SLC4A4: variants seen among roughly 807,000 people sequenced by gnomAD.
The protein encoded by SLC4A4 is electrogenic sodium bicarbonate cotransporter 1.
In SLC4A4, 27 loss-of-function variants were observed where a neutral mutation model predicts 111.5. That is an observed-to-expected ratio of 0.24 (90% CI 0.18 to 0.33). SLC4A4 has a LOEUF of 0.33. Ranked by LOEUF, SLC4A4 falls within the 10% of genes least tolerant of loss-of-function variation. The pLI, the probability that SLC4A4 is intolerant of heterozygous loss-of-function variation, is 1.00. For missense variants in SLC4A4, 909 were observed against 1,315.5 expected, an observed-to-expected ratio of 0.69 and a Z score of 4.78; for synonymous variants, 443 against 463.4, an observed-to-expected ratio of 0.96 and a Z score of 0.57.
intron 2 of SLC4A4, among the ~76,000 whole-genome samples, chr4:71,120,285 C>T (rs534059246): frequency 3.9e-5 from 6 of 152,286 alleles, no homozygotes; most frequent in South Asian, 2.1e-4. Flanking sequence ...TCTGGGATTA[C>T]GGCTTAACCA....
chr4:71,123,309 A>G (rs1325840645), intron 2 of SLC4A4, among the ~76,000 whole-genome samples: 1 of 152,210 alleles, frequency 6.6e-6, no homozygotes, highest in African/African-American at 2.4e-5. Context: ...TAACCATTAC[A>G]TTGTAATATG....
intron 7 of SLC4A4, among the ~76,000 whole-genome samples, chr4:71,404,393 A>G (rs1419612236): frequency 1.3e-5 from 2 of 152,242 alleles, no homozygotes; most frequent in African/African-American, 2.4e-5. Flanking sequence ...ACCTGTTCCT[A>G]TGAAAGAATT....
At position 71,472,766 on chromosome 4, in the gene SLC4A4, A is replaced by G. The variant is rs761573966; in HGVS notation, c.1699A>G (p.Ile567Val). ...IGLWSAFLCLILVATDASFLV... is the reference protein window; with the variant it reads ...IGLWSAFLCLVLVATDASFLV... ...CCTGTGGTCCGCCTTCCTATGTCTC[A>G]TTTTGGTAGCCACTGATGCCAGCTT... is the stretch of plus-strand genomic sequence containing the variant. Residue 567 changes from isoleucine to valine, a missense_variant, in exon 14 of 26, where the codon ATT becomes GTT. Around this residue, in one of 7 missense-constraint regions of SLC4A4, gnomAD observed 264 missense variants for 356.8 expected, o/e 0.74. Transcript: ENST00000264485. 4.4e-5 allele frequency: 71 copies of G among 1,612,574 alleles called. 1 individual carries two copies. The highest frequency in any genetic ancestry group is 3.7e-4 in the Admixed American group (22 of 59,858).
At chr4:71,182,261 A>G (rs1469475921), upstream of SLC4A4, among the ~76,000 whole-genome samples, 1 of 152,200 alleles carries the variant, frequency 6.6e-6, no homozygotes, top group East Asian at 1.9e-4. Flanking sequence ...AATGCCATGA[A>G]GGCACATTTG....
At chr4:71,472,336 T>A (rs1727953968) in intron 13 of SLC4A4, among the ~76,000 whole-genome samples, 1 of 151,960 alleles carries the variant, frequency 6.6e-6, no homozygotes, top group Non-Finnish European at 1.5e-5. Context: ...CCCATAAAAC[T>A]CATACAAACG....
intron 3 of SLC4A4, among the ~76,000 whole-genome samples, chr4:71,333,590 A>G (rs1191347393): frequency 2.0e-5 from 3 of 152,224 alleles, no homozygotes; most frequent in African/African-American, 7.2e-5. Flanking sequence ...CATGTGGTGA[A>G]TCCAGCCAGG....
intron 18 of SLC4A4, among the ~76,000 whole-genome samples, chr4:71,538,626 G>A (rs72651805): frequency 0.17 from 25,794 of 152,042 alleles, 2,389 homozygotes; most frequent in East Asian, 0.4. Flanking sequence ...AAAAGAGAAA[G>A]CTGAAACTGA....
chr4:71,341,258 T>C (rs193291273), intron 4 of SLC4A4, among the ~76,000 whole-genome samples: 158 of 152,234 alleles, frequency 1.0e-3, no homozygotes, highest in African/African-American at 3.7e-3. Context: ...TATTAAAAGG[T>C]TTGAAGTAAG....
intron 18 of SLC4A4, among the ~76,000 whole-genome samples, chr4:71,537,324 T>TATATGTGTATATGTAC (rs1734602014): frequency 7.3e-6 from 1 of 136,244 alleles, no homozygotes; most frequent in Non-Finnish European, 1.6e-5. Context: ...TATGTCTACA[T>TATATGTGTATATGTAC]ATATGTGTGT....
intron 2 of SLC4A4, among the ~76,000 whole-genome samples, chr4:71,180,903 G>C (rs1383990256): frequency 6.6e-6 from 1 of 152,064 alleles, no homozygotes; most frequent in Non-Finnish European, 1.5e-5. Flanking sequence ...CTACTAGAAA[G>C]ACACATGCAC....
At chr4:71,387,741 G>T (rs1261800885) in intron 6 of SLC4A4, among the ~76,000 whole-genome samples, 3 of 152,066 alleles carry the variant, frequency 2.0e-5, no homozygotes, top group Non-Finnish European at 2.9e-5. Context: ...TGATCTGCCC[G>T]CCTCGGCCTC....
At chr4:71,383,505 T>A (rs751888587) in intron 6 of SLC4A4, among the ~76,000 whole-genome samples, 1 of 152,174 alleles carries the variant, frequency 6.6e-6, no homozygotes, top group Non-Finnish European at 1.5e-5. Context: ...AACTGCAACC[T>A]CTCAGTTCTC....
At chr4:71,424,419 G>T (rs1722893598) in intron 7 of SLC4A4, among the ~76,000 whole-genome samples, 1 of 151,558 alleles carries the variant, frequency 6.6e-6, no homozygotes, top group African/African-American at 2.4e-5. Flanking sequence ...CAACCATTGT[G>T]GAAGTCAGTG....
In SLC4A4 at chr4:71,423,656, G is replaced by T. The variant is rs369333224; in HGVS notation, c.808-16960G>T. ...ACCAAAACAGAGATCTAGATCAATG[G>T]AACAGAACAGAGCCCTCAGAAATAA... On this transcript the variant is annotated intron_variant, in intron 7 of 25. Transcript: ENST00000264485. 5.9e-5 allele frequency among the ~76,000 whole-genome samples: 9 copies of T among 152,248 alleles called. No individual in the cohort carries two copies. The South Asian group carries it at 1.2e-3, about 21-fold the overall frequency.
rs114271346 is a variant in SLC4A4, at chr4:71,428,343, G to A, written c.808-12273G>A. 1.8e-3 allele frequency among the ~76,000 whole-genome samples: 271 copies of A among 152,166 alleles called. 1 individual carries two copies. Among genetic ancestry groups the A allele is most frequent in the African/African-American group, 6.3e-3 (262 of 41,526 alleles). On this transcript the variant is annotated intron_variant, in intron 7 of 25. Transcript: ENST00000264485. ...GCACTGCCTAAAAGCCAGTCTCAGT[G>A]AGATTTAAAGGCAGGGTGGCCATAA...
chr4:71,377,503 T>C (rs1314843500), intron 6 of SLC4A4, among the ~76,000 whole-genome samples: 2 of 152,176 alleles, frequency 1.3e-5, no homozygotes, highest in Admixed American at 6.5e-5. Flanking sequence ...CCTGACTTTC[T>C]GTCTTTGCTG....
At chr4:71,244,082 G>A (rs758913788) in intron 2 of SLC4A4, among the ~76,000 whole-genome samples, 8 of 152,150 alleles carry the variant, frequency 5.3e-5, no homozygotes, top group Admixed American at 3.9e-4. Flanking sequence ...TTTTCAACAG[G>A]AAATTTGATT....
chr4:71,179,270 A>T (rs920381020), intron 2 of SLC4A4, among the ~76,000 whole-genome samples: 42 of 152,282 alleles, frequency 2.8e-4, no homozygotes, highest in African/African-American at 9.4e-4. Flanking sequence ...CAAAAACTGG[A>T]AGCATTCCCT....
chr4:71,422,722 G>A (rs4398494), intron 7 of SLC4A4, among the ~76,000 whole-genome samples: 150,916 of 151,666 alleles, frequency 1, 75,089 homozygotes, highest in Middle Eastern at 1. Context: ...TATAAACAGA[G>A]CCAAAGACAA....
Sources: gnomAD v4.1 joint callset for allele counts (sites outside exome capture counted in the v4.1 genomes callset) on GRCh38, gnomAD v4.1.1 for gene constraint, gnomAD v4.1.1 regional missense constraint, MANE v1.5 for transcripts, NCBI Gene and HGNC (gene_info 2026-07-23, HGNC 2026-07-21) for gene names.